The following ZNF705G variants were observed in gnomAD, a reference collection of about 807,000 sequenced individuals.
ZNF705G encodes the protein zinc finger protein 705G.
A neutral mutation model predicts 19.6 loss-of-function variants in ZNF705G; 23 were observed. That is an observed-to-expected ratio of 1.17 (90% confidence interval 0.84 to 1.66). ZNF705G has a LOEUF of 1.66. Among genes scored for constraint, ZNF705G ranks in the 40% most tolerant of loss-of-function variants. ZNF705G has a pLI of 0.00. For missense variants in ZNF705G, 457 were observed against 354.4 expected (o/e 1.29, Z -2.32); for synonymous variants, 146 against 117.7 (o/e 1.24, Z -1.56).
chr8:7,358,238 T>G lies in ZNF705G; in HGVS notation c.641A>C (p.His214Pro). Residue 214 changes from histidine to proline, a missense_variant, in exon 7 of 7, where the codon CAC becomes CCC. By Grantham distance (77) the His-to-Pro change is moderately conservative. Coordinates refer to ENST00000400156, the MANE Select transcript of ZNF705G (RefSeq NM_001164457.3). ...LCRKAFTQCSHLRRHEKTHTG... is the reference protein window; with the variant it reads ...LCRKAFTQCSPLRRHEKTHTG... ...GTGAGTTTTCTCGTGTCTTCTAAGG[T>G]GAGAACACTGAGTGAAGGCTTTTCT... The G allele has an allele frequency of 2.5e-6, 4 of 1,607,606 alleles. No individual in the cohort carries two copies. The highest frequency in any genetic ancestry group is 2.2e-5 in the East Asian group (1 of 44,858).
intron 2 of ZNF705G, among the ~76,000 whole-genome samples, chr8:7,368,289 T>C (rs1345796168): frequency 2.0e-5 from 3 of 149,340 alleles, no homozygotes; most frequent in African/African-American, 7.7e-5. Flanking sequence ...GAAGGAAAAA[T>C]ATGAACATTA....
intron 2 of ZNF705G, among the ~76,000 whole-genome samples, chr8:7,365,631 A>G (rs1458375686): frequency 2.7e-5 from 4 of 149,306 alleles, no homozygotes; most frequent in Non-Finnish European, 5.9e-5. Context: ...CCGCCTCTCA[A>G]AGTATTGGGA....
At chr8:7,365,807 G>C (rs1321857031) in intron 2 of ZNF705G, among the ~76,000 whole-genome samples, 1 of 149,560 alleles carries the variant, frequency 6.7e-6, no homozygotes, top group Non-Finnish European at 1.5e-5. Context: ...ACACAACTTA[G>C]TGAAGTATTA....
At chr8:7,369,643 A>T (rs1224032056) in intron 2 of ZNF705G, among the ~76,000 whole-genome samples, 2 of 149,814 alleles carry the variant, frequency 1.3e-5, no homozygotes, top group Non-Finnish European at 2.9e-5. Flanking sequence ...ACATGGAATC[A>T]ACCTAGATGC....
rs1806206076 is a variant in ZNF705G, at chr8:7,355,979, G to T, written c.*1997C>A. The T allele has an allele frequency of 6.7e-6, 1 of 149,468 alleles. No homozygotes were observed. The highest frequency in any genetic ancestry group is 6.6e-5 in the Admixed American group (1 of 15,236). 9.3% of individuals were successfully genotyped at this position (149,468 alleles called of 1,614,324 possible). A position where few individuals can be genotyped will look rare whatever the true frequency, so the allele number is the denominator to read the frequency against. On this transcript the variant is annotated 3_prime_UTR_variant, in exon 7 of 7. Transcript: ENST00000400156. ...TGTGTCAACTTCAACCATGGATAAG[G>T]CCATTTAGCCTTAGTAAGGCCGATC...
chr8:7,369,107 C>A (rs775922084), intron 2 of ZNF705G, among the ~76,000 whole-genome samples: 1 of 149,584 alleles, frequency 6.7e-6, no homozygotes, highest in South Asian at 2.1e-4. Flanking sequence ...CATCACAACT[C>A]GTGAGACTTA....
At chr8:7,362,243 A>G (rs1293995006) in intron 3 of ZNF705G, among the ~76,000 whole-genome samples, 1 of 149,706 alleles carries the variant, frequency 6.7e-6, no homozygotes, top group African/African-American at 2.6e-5. Flanking sequence ...TATATTTCTT[A>G]TATGTTACTT....
In ZNF705G at chr8:7,356,930, C is replaced by T. The variant is rs1377368252; in HGVS notation, c.*1046G>A. The T allele has an allele frequency of 1.3e-5, 2 of 149,860 alleles. No individual in the cohort carries two copies. Among genetic ancestry groups the T allele is most frequent in the South Asian group, 2.1e-4 (1 of 4,780 alleles). 9.3% of individuals were successfully genotyped at this position (149,860 alleles called of 1,614,324 possible). The stretch of plus-strand genomic sequence containing the variant: ...TTTGCTATTATGCATTTACATGCCA[C>T]ATTTTTATGAATAGATATTTTCTCA... On this transcript the variant is annotated 3_prime_UTR_variant, in exon 7 of 7. Transcript: ENST00000400156.
At chr8:7,383,418 T>C (rs1277437216) in intron 1 of ZNF705G, among the ~76,000 whole-genome samples, 3 of 146,588 alleles carry the variant, frequency 2.0e-5, no homozygotes, top group Non-Finnish European at 4.4e-5. Context: ...TAACAGGCAC[T>C]GTCTGATTAC....
chr8:7,363,959 T>G (rs1275599273), intron 2 of ZNF705G, among the ~76,000 whole-genome samples: 4 of 149,474 alleles, frequency 2.7e-5, no homozygotes, highest in African/African-American at 2.6e-5. Flanking sequence ...CGAGTCATGG[T>G]GTTTCTCTCC....
intron 2 of ZNF705G, among the ~76,000 whole-genome samples, chr8:7,363,477 C>T (rs1199333626): frequency 6.7e-6 from 1 of 149,222 alleles, no homozygotes; most frequent in African/African-American, 2.6e-5. Context: ...TATTTTCACT[C>T]AACTCTGACT....
At chr8:7,377,978 AG>A (rs1373091813) in intron 2 of ZNF705G, among the ~76,000 whole-genome samples, 6 of 136,132 alleles carry the variant, frequency 4.4e-5, no homozygotes, top group African/African-American at 2.0e-4. Context: ...AAAAAAAAAA[AG>A]TTTATATTAC....
In ZNF705G at chr8:7,363,808, G is replaced by A. The variant is rs1412065335; in HGVS notation, c.-71-791C>T. 9.4e-4 allele frequency among the ~76,000 whole-genome samples: 140 copies of A among 149,088 alleles called. 16 individuals carry two copies. The highest frequency in any genetic ancestry group is 3.1e-3 in the African/African-American group (121 of 38,608). The stretch of plus-strand genomic sequence containing the variant: ...TGCACTCCAGCGAGGGTGACAGAGC[G>A]AGACTCTGTCTCAAAAAAAAAAATC... On this transcript the variant is annotated intron_variant, in intron 2 of 6. Transcript: ENST00000400156.
chr8:7,360,054 C>T (rs2128835686), intron 5 of ZNF705G, among the ~76,000 whole-genome samples, 183 bp downstream of exon 5: 1 of 149,510 alleles, frequency 6.7e-6, no homozygotes, highest in African/African-American at 2.6e-5. Flanking sequence ...AAAAAGAGGA[C>T]ACAAGAGTAG....
intron 2 of ZNF705G, among the ~76,000 whole-genome samples, chr8:7,374,820 G>T (rs1302188277): frequency 0.014 from 1,159 of 84,660 alleles, 370 homozygotes; most frequent in African/African-American, 0.064. Context: ...GACTAGACAA[G>T]ACAGCCTATG....
chr8:7,383,133 T>A (rs1170265115), intron 1 of ZNF705G, among the ~76,000 whole-genome samples: 4 of 150,028 alleles, frequency 2.7e-5, no homozygotes, highest in Admixed American at 6.6e-5. Context: ...TGATTTTTTT[T>A]TTTTTTTTTT....
In ZNF705G at chr8:7,369,131, G is replaced by T. The variant is rs1806985920; in HGVS notation, c.-71-6114C>A. Among the ~76,000 whole-genome samples, 2 of 149,394 alleles carry T rather than the reference G, an allele frequency of 1.3e-5. 1 individual carries two copies. Among genetic ancestry groups the T allele is most frequent in the African/African-American group, 5.2e-5 (2 of 38,810 alleles). On this transcript the variant is annotated intron_variant, in intron 2 of 6. Transcript: ENST00000400156. ...TCGTGAGACTTATTCACTACCACGAGAACAGCATGGGAGAAACTGCCCCCA... is the reference window on the plus strand; with the variant it reads ...TCGTGAGACTTATTCACTACCACGATAACAGCATGGGAGAAACTGCCCCCA...
chr8:7,384,410 T>C (rs1807640513), intron 1 of ZNF705G, among the ~76,000 whole-genome samples: 1 of 145,474 alleles, frequency 6.9e-6, no homozygotes, highest in Non-Finnish European at 1.5e-5. Flanking sequence ...GGGCAAAGGA[T>C]GTGAACAGAC....
intron 6 of ZNF705G, among the ~76,000 whole-genome samples, chr8:7,359,162 T>G (rs1806444897): frequency 6.7e-6 from 1 of 149,630 alleles, no homozygotes; most frequent in Non-Finnish European, 1.5e-5. Flanking sequence ...CCTTTAAATT[T>G]GGAGCCTTCA....
Sources: gnomAD v4.1 joint callset for allele counts (sites outside exome capture counted in the v4.1 genomes callset) on GRCh38, gnomAD v4.1.1 for gene constraint, MANE v1.5 for transcripts, NCBI Gene and HGNC (gene_info 2026-07-23, HGNC 2026-07-21) for gene names.